Variants in PID1 observed in about 807,000 individuals in gnomAD.
PID1 encodes PTB-containing, cubilin and LRP1-interacting protein.
Under a neutral mutation model 19.1 loss-of-function variants are expected in PID1, and 10 were observed. That is an observed-to-expected ratio of 0.52 (90% CI 0.32 to 0.89). The LOEUF is 0.89. Among genes scored for constraint, PID1 ranks in the 40% least tolerant of loss-of-function variants. The pLI, the probability that PID1 is intolerant of heterozygous loss-of-function variation, is 0.03. For missense variants in PID1, 248 were observed against 285.3 expected (o/e 0.87, Z 0.94); for synonymous variants, 130 against 116.0 (o/e 1.12, Z -0.78).
chr2:229,174,872 T>G lies in PID1; in HGVS notation c.31-18908A>C, dbSNP rs1170854114. On this transcript the variant is annotated intron_variant, in intron 1 of 2. Coordinates refer to ENST00000392055, the MANE Select transcript of PID1 (RefSeq NM_001100818.2). ...TTAATAATGATTGCAACTTCTTTGA[T>G]ACTCCTACCTCAAGAGGAGATGTCT... is the stretch of plus-strand genomic sequence containing the variant. Among the ~76,000 whole-genome samples the G allele has an allele frequency of 2.0e-5, 3 of 152,346 alleles. No homozygotes were observed. In the East Asian group the frequency reaches 5.8e-4, roughly 29 times the overall value.
intron 1 of PID1, chr2:229,262,901 G>T (rs1690498125): frequency 6.7e-7 from 1 of 1,497,514 alleles, no homozygotes; most frequent in Non-Finnish European, 8.9e-7. Context: ...CTCCTTATAA[G>T]GACATTAGTC....
At chr2:229,063,765 T>C (rs1271533335) in intron 2 of PID1, among the ~76,000 whole-genome samples, 1 of 152,118 alleles carries the variant, frequency 6.6e-6, no homozygotes, top group African/African-American at 2.4e-5. Context: ...TATAGCACCC[T>C]TTAGATCTAT....
At chr2:229,076,893 A>C (rs78285863) in intron 2 of PID1, among the ~76,000 whole-genome samples, 121,261 of 152,224 alleles carry the variant, frequency 0.8, 49,148 homozygotes, top group African/African-American at 0.94. Flanking sequence ...TGATTTATAA[A>C]CCTTTGGGTA....
intron 1 of PID1, among the ~76,000 whole-genome samples, chr2:229,167,063 AAAG>A (rs1461752497): frequency 2.0e-5 from 3 of 151,322 alleles, no homozygotes; most frequent in Non-Finnish European, 2.9e-5. Context: ...GGAAAGAAGA[AAAG>A]AAGAAACGAA....
At chr2:229,055,578 C>G (rs1694082028) in intron 2 of PID1, among the ~76,000 whole-genome samples, 1 of 152,192 alleles carries the variant, frequency 6.6e-6, no homozygotes, top group South Asian at 2.1e-4. Context: ...TTTTCCCATT[C>G]ATAAAAGCCC....
chr2:229,266,615 G>A (rs995423033), intron 1 of PID1, among the ~76,000 whole-genome samples: 8 of 152,222 alleles, frequency 5.3e-5, no homozygotes, highest in African/African-American at 1.9e-4. Flanking sequence ...CTATGGTGAA[G>A]TGCTTAAGAA....
At chr2:229,263,148 T>C (rs1690502948) in intron 1 of PID1, among the ~76,000 whole-genome samples, 1 of 152,198 alleles carries the variant, frequency 6.6e-6, no homozygotes, top group African/African-American at 2.4e-5. Context: ...AAGATACATG[T>C]AACAGAAGTC....
chr2:229,064,586 A>G (rs1340654612), intron 2 of PID1, among the ~76,000 whole-genome samples: 2 of 152,174 alleles, frequency 1.3e-5, no homozygotes, highest in Non-Finnish European at 2.9e-5. Flanking sequence ...AGAATTCATT[A>G]AATTCATAAA....
At chr2:229,268,110 G>A (rs564846860) in intron 1 of PID1, among the ~76,000 whole-genome samples, 7 of 152,330 alleles carry the variant, frequency 4.6e-5, no homozygotes, top group African/African-American at 1.7e-4. Flanking sequence ...TAACATTCAA[G>A]GGAGCAGATG....
chr2:229,141,029 T>A (rs972291343), intron 2 of PID1, among the ~76,000 whole-genome samples: 1 of 151,700 alleles, frequency 6.6e-6, no homozygotes, highest in South Asian at 2.1e-4. Context: ...CCTTTGACTC[T>A]CTTTGTCTCA....
At chr2:229,048,702 C>T (rs942582064) in intron 2 of PID1, among the ~76,000 whole-genome samples, 1 of 152,106 alleles carries the variant, frequency 6.6e-6, no homozygotes, top group Non-Finnish European at 1.5e-5. Context: ...ATAATATGTG[C>T]TTAATTTTTT....
intron 2 of PID1, among the ~76,000 whole-genome samples, chr2:229,073,369 G>A (rs1694496421): frequency 6.6e-6 from 1 of 152,142 alleles, no homozygotes; most frequent in South Asian, 2.1e-4. Context: ...CTAGCAACAG[G>A]TAATCTCTTG....
intron 2 of PID1, among the ~76,000 whole-genome samples, chr2:229,079,555 C>G (rs949723004): frequency 6.6e-6 from 1 of 152,226 alleles, no homozygotes; most frequent in Non-Finnish European, 1.5e-5. Context: ...CAGTTCTCCA[C>G]TGAGGCATGA....
chr2:229,186,399 G>A (rs114598111), intron 1 of PID1, among the ~76,000 whole-genome samples: 132 of 152,320 alleles, frequency 8.7e-4, no homozygotes, highest in African/African-American at 2.8e-3. Context: ...TGGGGGTTTT[G>A]ACCACACATT....
At chr2:229,262,922 G>C in intron 1 of PID1, 1 of 1,460,390 alleles carries the variant, frequency 6.8e-7, no homozygotes, top group Non-Finnish European at 9.0e-7. Flanking sequence ...ATTGGCTCTA[G>C]GGTTCACCCT....
chr2:229,095,644 G>C (rs1694958643), intron 2 of PID1, among the ~76,000 whole-genome samples: 1 of 152,042 alleles, frequency 6.6e-6, no homozygotes, highest in African/African-American at 2.4e-5. Context: ...TTCATACAAA[G>C]ATACTCATTA....
intron 1 of PID1, among the ~76,000 whole-genome samples, chr2:229,266,834 T>A (rs1690603156): frequency 6.6e-6 from 1 of 152,200 alleles, no homozygotes; most frequent in Non-Finnish European, 1.5e-5. Context: ...CAAAAGCAGG[T>A]TACTAGTATC....
chr2:229,173,095 A>G (rs1405663844), intron 1 of PID1, among the ~76,000 whole-genome samples: 1 of 152,144 alleles, frequency 6.6e-6, no homozygotes, highest in Non-Finnish European at 1.5e-5. Flanking sequence ...GGAGCTCTCC[A>G]TGTGAGCTCT....
At chr2:229,269,886 G>C (rs1017901764) in intron 1 of PID1, among the ~76,000 whole-genome samples, 2 of 152,142 alleles carry the variant, frequency 1.3e-5, no homozygotes, top group Non-Finnish European at 1.5e-5. Flanking sequence ...ATGGCCCAGG[G>C]AGCTTTGGAA....
Sources: allele counts gnomAD v4.1 joint callset (sites outside exome capture counted in the v4.1 genomes callset), GRCh38; gene constraint gnomAD v4.1.1; transcripts MANE v1.5; gene names NCBI Gene and HGNC (gene_info 2026-07-23, HGNC 2026-07-21).